MALL: variants seen among roughly 807,000 people sequenced by gnomAD.
The protein encoded by MALL is MAL-like protein.
MALL carries 2 observed loss-of-function variants against 10.3 expected under a neutral mutation model. The ratio of observed to expected loss-of-function variants is 0.19; its 90% CI spans 0.08 to 0.61. MALL has a LOEUF of 0.61. MALL is among the 20% of genes least tolerant of loss of function. The pLI is 0.88. For synonymous variants in MALL, 27 were observed against 51.8 expected, an observed-to-expected ratio of 0.52 and a Z score of 2.05; for missense variants, 39 against 115.2, an observed-to-expected ratio of 0.34 and a Z score of 3.03.
At chr2:110,103,644 G>A (rs1259736682) in intron 1 of MALL, among the ~76,000 whole-genome samples, 1 of 152,196 alleles carries the variant, frequency 6.6e-6, no homozygotes, top group African/African-American at 2.4e-5. Flanking sequence ...GGGTCAGACT[G>A]CCCGGGGCCT....
chr2:110,117,347 G>C (rs965779997), upstream of MALL, among the ~76,000 whole-genome samples: 4 of 152,122 alleles, frequency 2.6e-5, no homozygotes, highest in African/African-American at 7.2e-5. Flanking sequence ...AGTAGGAAAA[G>C]TTTAAGTAAG....
intron 1 of MALL, among the ~76,000 whole-genome samples, chr2:110,109,610 C>A (rs182668144): frequency 1.3e-3 from 196 of 152,192 alleles, no homozygotes; most frequent in Non-Finnish European, 2.3e-3. Flanking sequence ...TAGTGGGGGA[C>A]TTCAATACTC....
intron 1 of MALL, 22 bp from the exon 2 acceptor site, chr2:110,091,792 G>C (rs1482627250): frequency 6.5e-7 from 1 of 1,538,336 alleles, no homozygotes; most frequent in African/African-American, 1.4e-5. Context: ...AAGCATAAAA[G>C]AAGGGGCTTC....
chr2:110,098,673 CACG>C (rs1337583317), intron 1 of MALL, among the ~76,000 whole-genome samples: 2 of 152,104 alleles, frequency 1.3e-5, no homozygotes, highest in Non-Finnish European at 2.9e-5. Context: ...CTGCTATGAC[CACG>C]AGTGTCCAAA....
chr2:110,096,307 AGC>A (rs926886902), intron 1 of MALL, among the ~76,000 whole-genome samples: 4 of 152,152 alleles, frequency 2.6e-5, no homozygotes, highest in Non-Finnish European at 5.9e-5. Flanking sequence ...TGCACCATGC[AGC>A]GCCTTTCCTC....
At chr2:110,109,805 A>G (rs1345555994) in intron 1 of MALL, among the ~76,000 whole-genome samples, 12 of 152,204 alleles carry the variant, frequency 7.9e-5, no homozygotes, top group South Asian at 4.1e-4. Context: ...TCTCTAAGAT[A>G]GACCATATGC....
upstream of MALL, among the ~76,000 whole-genome samples, chr2:110,118,092 C>T (rs1308403864): frequency 6.6e-6 from 1 of 150,710 alleles, no homozygotes; most frequent in Non-Finnish European, 1.5e-5. Flanking sequence ...TTCTAGAATC[C>T]TCAGTTAGCT....
At chr2:110,108,643 C>A (rs1678742802) in intron 1 of MALL, among the ~76,000 whole-genome samples, 1 of 152,170 alleles carries the variant, frequency 6.6e-6, no homozygotes, top group Non-Finnish European at 1.5e-5. Context: ...GAAAACTTTC[C>A]TGACCTTGTG....
chr2:110,097,584 C>T (rs575211620), intron 1 of MALL: 2 of 455,910 alleles, frequency 4.4e-6, no homozygotes, highest in Non-Finnish European at 4.4e-6. Context: ...CTGAGACAGA[C>T]GCTGCCTGAG....
At position 110,091,665 on chromosome 2, in the gene MALL, A is replaced by T. The variant is rs1440879207; in HGVS notation, c.211T>A (p.Leu71Met). 6.2e-7 allele frequency: 1 copy of T among 1,613,932 alleles called. No homozygotes were observed. The highest frequency in any genetic ancestry group is 2.2e-5 in the East Asian group (1 of 44,902). Residue 71 changes from leucine to methionine, a missense_variant, in exon 2 of 4, where the codon TTG becomes ATG. Coordinates refer to ENST00000272462, the MANE Select transcript of MALL (RefSeq NM_005434.5). ...AACAAGTAAGACAACAGGAACATCA[A>T]GGAGATGAGAAACGAGGTGAGCGAG... ...YVSLTSFLIS[L>M]MFLLSYLFGF... is the part of the protein sequence containing the mutation.
At position 110,101,374 on chromosome 2, in the gene MALL, G is replaced by C. The variant is rs188399244; in HGVS notation, c.106-9604C>G. On this transcript the variant is annotated intron_variant, in intron 1 of 3. Coordinates refer to ENST00000272462, the MANE Select transcript of MALL (RefSeq NM_005434.5). ...CACTGCGTCCTGACTCATGGAGGGA[G>C]AATTTTCTTTTTCTGTGGCTTTAAG... is the stretch of plus-strand genomic sequence containing the variant. Among the ~76,000 whole-genome samples the C allele has an allele frequency of 3.8e-3, 572 of 152,088 alleles. 5 individuals are homozygous for C. The highest frequency in any genetic ancestry group is 0.013 in the African/African-American group (532 of 41,550).
upstream of MALL, chr2:110,115,933 C>T (rs1477494449): frequency 2.7e-5 from 11 of 404,518 alleles, no homozygotes; most frequent in Admixed American, 4.4e-5. Flanking sequence ...GGTCCTTCCA[C>T]TCGCTGCAGC....
At chr2:110,100,377 C>CG (rs1678536262) in intron 1 of MALL, among the ~76,000 whole-genome samples, 1 of 151,858 alleles carries the variant, frequency 6.6e-6, no homozygotes, top group Admixed American at 6.6e-5. Flanking sequence ...AGGCTGAGTG[C>CG]GGGGAGGATC....
Position 110,098,061 on chromosome 2 carries a change from C to T in MALL, c.106-6291G>A, listed in dbSNP as rs1036721595. ...GGACACATGCGGGCGTTGCCCACGG[C>T]GGGAACCTGGATGTCCTGAAGGCTC... On this transcript the variant is annotated intron_variant, in intron 1 of 3. Coordinates refer to ENST00000272462, the MANE Select transcript of MALL (RefSeq NM_005434.5). Among the ~76,000 whole-genome samples, 15 of 151,838 alleles carry T rather than the reference C, an allele frequency of 9.9e-5. No homozygotes were observed. In the South Asian group the frequency reaches 1.5e-3, roughly 15 times the overall value.
Position 110,097,481 on chromosome 2 carries a change from T to G in MALL, c.106-5711A>C, listed in dbSNP as rs373645911. On this transcript the variant is annotated intron_variant, in intron 1 of 3. Coordinates refer to ENST00000272462, the MANE Select transcript of MALL (RefSeq NM_005434.5). ...AGAGATAAGGAGGATGGCCTTTGGG[T>G]AGAGTGGATCTGCTCACCTGCACAG... is the stretch of plus-strand genomic sequence containing the variant. 794 of 456,482 alleles carry G rather than the reference T, an allele frequency of 1.7e-3. 6 individuals are homozygous for G. The highest frequency in any genetic ancestry group is 0.016 in the East Asian group (231 of 14,376). The allele number at this position is 456,482 out of a possible 1,614,324, so 28.3% of individuals were successfully genotyped here.
intron 1 of MALL, among the ~76,000 whole-genome samples, chr2:110,105,184 C>T (rs191620871): frequency 2.6e-4 from 39 of 152,322 alleles, no homozygotes; most frequent in African/African-American, 9.1e-4. Context: ...GACTTTAGGC[C>T]CCATCCTGAC....
At chr2:110,095,820 G>A (rs1339518161) in intron 1 of MALL, among the ~76,000 whole-genome samples, 2 of 152,114 alleles carry the variant, frequency 1.3e-5, no homozygotes, top group African/African-American at 2.4e-5. Flanking sequence ...ACACCAGATA[G>A]TGAGAAAATT....
chr2:110,095,400 T>TC (rs1678419597), intron 1 of MALL, among the ~76,000 whole-genome samples: 1 of 152,120 alleles, frequency 6.6e-6, no homozygotes, highest in African/African-American at 2.4e-5. Flanking sequence ...ATCCTTTTCT[T>TC]ATAAGCAAAC....
At chr2:110,104,422 C>T (rs192860379) in intron 1 of MALL, among the ~76,000 whole-genome samples, 19 of 152,282 alleles carry the variant, frequency 1.2e-4, no homozygotes, top group East Asian at 7.7e-4. Context: ...GCCCTCATTA[C>T]GCATCAGGCT....
Sources: gnomAD v4.1 joint callset for allele counts (sites outside exome capture counted in the v4.1 genomes callset) on GRCh38, gnomAD v4.1.1 for gene constraint, MANE v1.5 for transcripts, NCBI Gene and HGNC (gene_info 2026-07-23, HGNC 2026-07-21) for gene names.